Variants in SLC2A10 observed in about 807,000 individuals in gnomAD.
SLC2A10 encodes solute carrier family 2, facilitated glucose transporter member 10.
A neutral mutation model predicts 32.1 loss-of-function variants in SLC2A10; 25 were observed. The observed-to-expected ratio is 0.78, with a 90% CI of 0.57 to 1.09. The LOEUF is 1.09. Among genes scored for constraint, SLC2A10 ranks in the 50% least tolerant of loss-of-function variants. The pLI, the probability that SLC2A10 is intolerant of heterozygous loss-of-function variation, is 0.00. For missense variants in SLC2A10, 673 were observed against 686.5 expected, an observed-to-expected ratio of 0.98 and a Z score of 0.22; for synonymous variants, 332 against 309.6, an observed-to-expected ratio of 1.07 and a Z score of -0.76.
chr20:46,719,957 C>T (rs1213182941), intron 1 of SLC2A10, among the ~76,000 whole-genome samples: 1 of 152,202 alleles, frequency 6.6e-6, no homozygotes, highest in East Asian at 1.9e-4. Context: ...AGTGCTAAGA[C>T]TGGTACTCAG....
At chr20:46,713,833 C>T (rs931726090) in intron 1 of SLC2A10, among the ~76,000 whole-genome samples, 4 of 152,110 alleles carry the variant, frequency 2.6e-5, no homozygotes, top group Non-Finnish European at 5.9e-5. Context: ...GCCCCGGAGG[C>T]TCAGGACGAG....
intron 1 of SLC2A10, among the ~76,000 whole-genome samples, chr20:46,715,381 A>T (rs779146155): frequency 9.2e-5 from 14 of 152,190 alleles, no homozygotes; most frequent in Non-Finnish European, 1.9e-4. Context: ...AGAGGAACCC[A>T]GGAAATGGCA....
chr20:46,731,879 A>G (rs181990105), intron 4 of SLC2A10, among the ~76,000 whole-genome samples: 2 of 152,294 alleles, frequency 1.3e-5, no homozygotes, highest in Non-Finnish European at 2.9e-5. Context: ...TGTGTCCTCC[A>G]TACAAGAGCC....
At chr20:46,731,118 G>T (rs1405803151) in intron 4 of SLC2A10, among the ~76,000 whole-genome samples, 1 of 152,172 alleles carries the variant, frequency 6.6e-6, no homozygotes, top group Non-Finnish European at 1.5e-5. Context: ...GCTTGAAGTC[G>T]TCCAAATGTC....
At chr20:46,719,301 C>T (rs1474559003) in intron 1 of SLC2A10, among the ~76,000 whole-genome samples, 2 of 152,158 alleles carry the variant, frequency 1.3e-5, no homozygotes, top group East Asian at 1.9e-4. Flanking sequence ...CGTCTTCTTC[C>T]TCTTATTCTC....
chr20:46,709,634 C>A, upstream of SLC2A10: 1 of 1,410,644 alleles, frequency 7.1e-7, no homozygotes. Context: ...GAGGCGGGGG[C>A]GGGCCGGAAA....
In SLC2A10 at chr20:46,725,219, C is replaced by T. The variant is rs776067514; in HGVS notation, c.183C>T (p.Ala61=). 1 of 1,614,178 alleles carries T rather than the reference C, an allele frequency of 6.2e-7. No individual in the cohort carries two copies. Among genetic ancestry groups the T allele is most frequent in the Non-Finnish European group, 8.5e-7 (1 of 1,180,012 alleles). Residue 61 remains alanine, a synonymous_variant, in exon 2 of 5, where the codon GCC becomes GCT. Transcript: ENST00000359271. ...VGSLLLGALL[A]SLVGGFLIDC... is the part of the protein sequence containing the mutation. ...GCCTGCTCCTGGGGGCTCTCCTCGC[C>T]TCCCTGGTTGGTGGCTTCCTCATTG...
At chr20:46,726,633 G>A (rs778345695) in intron 2 of SLC2A10, among the ~76,000 whole-genome samples, 2 of 152,160 alleles carry the variant, frequency 1.3e-5, no homozygotes, top group South Asian at 2.1e-4. Context: ...ATCCCAGTTC[G>A]TCCAAGACTG....
chr20:46,727,044 A>G, intron 3 of SLC2A10, 58 bp downstream of exon 3: 1 of 1,612,734 alleles, frequency 6.2e-7, no homozygotes, highest in Non-Finnish European at 8.5e-7. Flanking sequence ...CCTACTCTAA[A>G]GCAGAAATTT....
intron 1 of SLC2A10, among the ~76,000 whole-genome samples, chr20:46,719,948 G>C (rs1486271487): frequency 2.0e-5 from 3 of 152,220 alleles, no homozygotes; most frequent in Non-Finnish European, 4.4e-5. Flanking sequence ...GCAAGTGGCA[G>C]TGCTAAGACT....
At chr20:46,721,452 AAGAG>A (rs1323748180) in intron 1 of SLC2A10, among the ~76,000 whole-genome samples, 1 of 150,032 alleles carries the variant, frequency 6.7e-6, no homozygotes, top group South Asian at 2.1e-4. Context: ...AAAAAAAAAA[AAGAG>A]AGAGAGAGAC....
chr20:46,709,060 C>G (rs949142369), upstream of SLC2A10, among the ~76,000 whole-genome samples: 3 of 152,260 alleles, frequency 2.0e-5, no homozygotes, highest in East Asian at 3.9e-4. Flanking sequence ...TTTCGTCTTC[C>G]CCTCCTAGAA....
At chr20:46,722,731 A>G (rs1979628667) in intron 1 of SLC2A10, among the ~76,000 whole-genome samples, 1 of 152,226 alleles carries the variant, frequency 6.6e-6, no homozygotes, top group Non-Finnish European at 1.5e-5. Context: ...TCAGTCATGA[A>G]ATGGCAGTTA....
Position 46,726,232 on chromosome 20 carries a change from C to G in SLC2A10, c.1196C>G (p.Pro399Arg), listed in dbSNP as rs748983679. The G allele has an allele frequency of 6.2e-7, 1 of 1,613,906 alleles. No homozygotes were observed. Among genetic ancestry groups the G allele is most frequent in the Admixed American group, 1.7e-5 (1 of 60,038 alleles). Residue 399 changes from proline (P) to arginine (R), a missense_variant, in exon 2 of 5, where the codon CCT becomes CGT. Coordinates refer to ENST00000359271, the MANE Select transcript of SLC2A10 (RefSeq NM_030777.4). The stretch of plus-strand genomic sequence containing the variant: ...CTGAGCTCTGCCCTCCCTGGGCCCC[C>G]TCTGCCCGCTCGGGGGCATGCACTG... ...LALSSALPGP[P>R]LPARGHALLR... is the part of the protein sequence containing the mutation.
chr20:46,726,175 C>A lies in SLC2A10; in HGVS notation c.1139C>A (p.Ser380Tyr), dbSNP rs144909845. ...TAKKTKPHPR[S>Y]GDPSAPPRLA... The stretch of plus-strand genomic sequence containing the variant: ...AAGAAAACCAAGCCCCATCCCAGAT[C>A]TGGAGACCCCTCAGCCCCTCCTCGG... Residue 380 changes from serine to tyrosine, a missense_variant, in exon 2 of 5, where the codon TCT becomes TAT. Ser to Tyr is a moderately radical substitution (Grantham distance 144). Transcript: ENST00000359271. 12 of 1,614,152 alleles carry A rather than the reference C, an allele frequency of 7.4e-6. No individual in the cohort carries two copies. In the African/African-American group the frequency reaches 1.5e-4, roughly 20 times the overall value.
At chr20:46,733,370 T>G (rs1980397092) in intron 4 of SLC2A10, among the ~76,000 whole-genome samples, 1 of 152,164 alleles carries the variant, frequency 6.6e-6, no homozygotes, top group South Asian at 2.1e-4. Flanking sequence ...AAACCATTCA[T>G]GAGAAGCTGC....
chr20:46,722,706 C>T (rs1979627645), intron 1 of SLC2A10, among the ~76,000 whole-genome samples: 1 of 152,198 alleles, frequency 6.6e-6, no homozygotes, highest in African/African-American at 2.4e-5. Context: ...TCACACTATG[C>T]CTGGCACATA....
chr20:46,727,010 G>GC, intron 3 of SLC2A10, 24 bp downstream of exon 3: 1 of 1,613,634 alleles, frequency 6.2e-7, no homozygotes, highest in South Asian at 1.1e-5. Flanking sequence ...AGACAAGTCC[G>GC]TTTTTTTTCT....
chr20:46,733,823 G>A lies in SLC2A10; in HGVS notation c.1615G>A (p.Ala539Thr), dbSNP rs577624010. ...CCCGTACAGCCGCATCGAGATCTCT[G>A]CGGCCTCCTGAGGAATCCGTCTGCC... ...GIPYSRIEIS[A>T]AS The change falls in exon 5 of 5, where the codon GCG becomes ACG. Residue 539 changes from alanine (A) to threonine (T), a missense_variant. Ala to Thr is a moderately conservative substitution (Grantham distance 58). Coordinates refer to ENST00000359271, the MANE Select transcript of SLC2A10 (RefSeq NM_030777.4). 6.2e-7 allele frequency: 1 copy of A among 1,614,180 alleles called. No individual in the cohort carries two copies. Among genetic ancestry groups the A allele is most frequent in the Non-Finnish European group, 8.5e-7 (1 of 1,180,024 alleles).
Sources: allele counts gnomAD v4.1 joint callset (sites outside exome capture counted in the v4.1 genomes callset), GRCh38; gene constraint gnomAD v4.1.1; transcripts MANE v1.5; gene names NCBI Gene and HGNC (gene_info 2026-07-23, HGNC 2026-07-21).